PREX1: variants seen among roughly 807,000 people sequenced by gnomAD.
The protein encoded by PREX1 is phosphatidylinositol-3,4,5-trisphosphate dependent Rac exchange factor 1.
Under a neutral mutation model 198.3 loss-of-function variants are expected in PREX1, and 41 were observed. The observed-to-expected ratio is 0.21, with a 90% CI of 0.16 to 0.27. PREX1 has a LOEUF of 0.27. Ranked by LOEUF, PREX1 falls within the 10% of genes least tolerant of loss-of-function variation. PREX1 has a pLI of 1.00. For missense variants in PREX1, 1,620 were observed against 2,200.7 expected (o/e 0.74, Z 5.28); for synonymous variants, 843 against 887.2 (o/e 0.95, Z 0.89).
intron 1 of PREX1, among the ~76,000 whole-genome samples, chr20:48,763,689 T>C (rs1480151275): frequency 6.6e-6 from 1 of 152,124 alleles, no homozygotes; most frequent in Non-Finnish European, 1.5e-5. Flanking sequence ...AGTGAGAGAA[T>C]GTAAAAATAG....
At position 48,692,731 on chromosome 20, in the gene PREX1, A is replaced by G; in HGVS notation, c.977T>C (p.Ile326Thr). ...RTKSINGSLY[I>T]FRGRINTEVM... ...TTCAGTGTTGATTCGACCCCTGAAG[A>G]TGTAGAGGGAGCCGTTGATGGATTT... The change falls in exon 8 of 40, where the codon ATC becomes ACC. Residue 326 changes from isoleucine (I) to threonine (T), a missense_variant. By Grantham distance (89) the Ile-to-Thr change is moderately conservative. Coordinates refer to ENST00000371941, the MANE Select transcript of PREX1 (RefSeq NM_020820.4). 6.2e-7 allele frequency: 1 copy of G among 1,613,972 alleles called. No individual in the cohort carries two copies. The highest frequency in any genetic ancestry group is 1.1e-5 in the South Asian group (1 of 91,046).
In PREX1 at chr20:48,707,538, G is replaced by A. The variant is rs6019385; in HGVS notation, c.783+722C>T. Reference sequence around the variant, plus strand: ...AGGCCAGAAAATCCAAAGGGCCTACGGCATATGATTCACGTAACAATCTCT... The same window carrying A: ...AGGCCAGAAAATCCAAAGGGCCTACAGCATATGATTCACGTAACAATCTCT... On this transcript the variant is annotated intron_variant, in intron 6 of 39. Transcript: ENST00000371941. 2.1e-3 allele frequency among the ~76,000 whole-genome samples: 322 copies of A among 152,264 alleles called. 1 individual carries two copies. Among genetic ancestry groups the A allele is most frequent in the African/African-American group, 6.9e-3 (286 of 41,528 alleles).
At chr20:48,815,971 T>C (rs1313928504) in intron 1 of PREX1, among the ~76,000 whole-genome samples, 2 of 148,202 alleles carry the variant, frequency 1.3e-5, no homozygotes, top group Admixed American at 6.7e-5. Context: ...GATTGCACCA[T>C]TGCACTCCAG....
intron 5 of PREX1, among the ~76,000 whole-genome samples, chr20:48,712,868 G>A (rs1033166043): frequency 1.3e-5 from 2 of 152,240 alleles, no homozygotes; most frequent in African/African-American, 4.8e-5. Context: ...GCTCACGCCT[G>A]TAATCTCAAC....
intron 4 of PREX1, among the ~76,000 whole-genome samples, chr20:48,727,078 T>G (rs148314888): frequency 6.6e-6 from 1 of 152,152 alleles, no homozygotes; most frequent in African/African-American, 2.4e-5. Flanking sequence ...ATGGAGAGCA[T>G]GTATGAGGTC....
At chr20:48,856,012 G>A in the PREX1 span, among the ~76,000 whole-genome samples, 4 of 152,226 alleles carry the variant, frequency 2.6e-5, no homozygotes, top group South Asian at 2.1e-4. Flanking sequence ...GGGAGCGGCT[G>A]TTATTTTAAA....
the PREX1 span, among the ~76,000 whole-genome samples, chr20:48,869,796 A>G: frequency 1.3e-5 from 2 of 152,222 alleles, no homozygotes; most frequent in Admixed American, 6.5e-5. Flanking sequence ...TTGAACAACA[A>G]GAACACATGG....
chr20:48,825,466 T>A (rs6095314), intron 1 of PREX1, among the ~76,000 whole-genome samples: 2 of 151,968 alleles, frequency 1.3e-5, no homozygotes, highest in Admixed American at 6.6e-5. Flanking sequence ...TGTAAAGTGT[T>A]AAGGAGATAA....
intron 6 of PREX1, among the ~76,000 whole-genome samples, chr20:48,702,403 T>C (rs2089879918): frequency 1.3e-5 from 2 of 152,134 alleles, no homozygotes; most frequent in African/African-American, 4.8e-5. Flanking sequence ...AGGCAGCCCC[T>C]CCGCTGACCC....
rs1283052595 is a variant in PREX1, at chr20:48,708,414, G to A, written c.629C>T (p.Ala210Val). Residue 210 changes from alanine (A) to valine (V), a missense_variant, in exon 6 of 40, where the codon GCC (alanine) becomes GTC (valine). By Grantham distance (64) the Ala-to-Val change is moderately conservative. Around this residue, in one of 7 missense-constraint regions of PREX1, gnomAD observed 488 missense variants for 802.5 expected, o/e 0.61. Transcript: ENST00000371941. Reference protein sequence around the residue: ...CKYPLLLKELAKRTPGKHPDH... With the variant: ...CKYPLLLKELVKRTPGKHPDH... ...TGGGTGCTTGCCGGGAGTCCTCTTG[G>A]CCAGCTCCTGGGGTAGAATAGAGGT... 1 of 1,614,076 alleles carries A rather than the reference G, an allele frequency of 6.2e-7. No homozygotes were observed. The highest frequency in any genetic ancestry group is 8.5e-7 in the Non-Finnish European group (1 of 1,179,988).
the PREX1 span, among the ~76,000 whole-genome samples, chr20:48,840,597 G>A: frequency 6.6e-6 from 1 of 152,208 alleles, no homozygotes; most frequent in Admixed American, 6.5e-5. Flanking sequence ...CAGCAGAGAT[G>A]TTCATATTCA....
intron 1 of PREX1, among the ~76,000 whole-genome samples, chr20:48,781,145 G>A (rs1306763792): frequency 1.3e-5 from 2 of 152,158 alleles, no homozygotes; most frequent in African/African-American, 4.8e-5. Context: ...CTATCTAAAT[G>A]CAACATGGTG....
At chr20:48,716,540 G>A (rs190091480) in intron 5 of PREX1, among the ~76,000 whole-genome samples, 1 of 152,334 alleles carries the variant, frequency 6.6e-6, no homozygotes, top group East Asian at 1.9e-4. Context: ...GGAGAGGACT[G>A]GGGGAAGAAC....
At chr20:48,633,648 A>G (rs2089333328) in intron 33 of PREX1, among the ~76,000 whole-genome samples, 1 of 152,090 alleles carries the variant, frequency 6.6e-6, no homozygotes, top group South Asian at 2.1e-4. Flanking sequence ...TCAAGCCCCC[A>G]GGTGCTGCTG....
chr20:48,723,481 G>A (rs2089995180), intron 5 of PREX1, among the ~76,000 whole-genome samples: 2 of 152,154 alleles, frequency 1.3e-5, no homozygotes, highest in Non-Finnish European at 1.5e-5. Context: ...TCTGTCAGGC[G>A]GGGAGCAAGG....
chr20:48,804,953 G>GTCA (rs1461371687), intron 1 of PREX1, among the ~76,000 whole-genome samples: 1 of 152,178 alleles, frequency 6.6e-6, no homozygotes, highest in Non-Finnish European at 1.5e-5. Context: ...GAGATGTCGG[G>GTCA]TCATCATCTA....
intron 10 of PREX1, among the ~76,000 whole-genome samples, chr20:48,681,724 C>CCAGA (rs1013149729): frequency 8.1e-5 from 10 of 123,950 alleles, no homozygotes; most frequent in South Asian, 5.5e-4. Context: ...GGATGTCCGG[C>CCAGA]CAGACAGACA....
At position 48,818,853 on chromosome 20, in the gene PREX1, T is replaced by C. The variant is rs577840176; in HGVS notation, c.219+8789A>G. 7.9e-5 allele frequency among the ~76,000 whole-genome samples: 12 copies of C among 152,356 alleles called. No homozygotes were observed. The South Asian group carries it at 2.5e-3, about 32-fold the overall frequency. ...ACAGCCCTCCCAGCCCAGAGGCAGC[T>C]GCCTTCACAGCTCATCCACATTCTG... On this transcript the variant is annotated intron_variant, in intron 1 of 39. Transcript: ENST00000371941.
intron 20 of PREX1, 74 bp downstream of exon 20, chr20:48,653,287 G>C (rs1410954237): frequency 3.2e-6 from 5 of 1,564,798 alleles, no homozygotes; most frequent in Non-Finnish European, 4.4e-6. Flanking sequence ...TTTCTCTAAA[G>C]AGAGGACAGC....
Sources: gnomAD v4.1 joint callset for allele counts (sites outside exome capture counted in the v4.1 genomes callset) on GRCh38, gnomAD v4.1.1 for gene constraint, gnomAD v4.1.1 regional missense constraint, MANE v1.5 for transcripts, NCBI Gene and HGNC (gene_info 2026-07-23, HGNC 2026-07-21) for gene names.